SEPSECS: variants seen among roughly 807,000 people sequenced by gnomAD.
SEPSECS encodes O-phosphoseryl-tRNA(Sec) selenium transferase.
Under a neutral mutation model 52.1 loss-of-function variants are expected in SEPSECS, and 42 were observed. The ratio of observed to expected loss-of-function variants is 0.81; its 90% CI spans 0.63 to 1.04. The LOEUF (loss-of-function observed/expected upper bound fraction) is 1.04. SEPSECS is among the 50% of genes least tolerant of loss of function. The probability of loss-of-function intolerance (pLI) is 0.00; values close to 1 mark genes in which losing one functional copy is unlikely to be tolerated. For synonymous variants in SEPSECS, 216 were observed against 211.4 expected, an observed-to-expected ratio of 1.02 and a Z score of -0.19; for missense variants, 590 against 610.6, an observed-to-expected ratio of 0.97 and a Z score of 0.36.
At position 25,125,762 on chromosome 4, in the gene SEPSECS, A is replaced by G. The variant is rs369843404; in HGVS notation, c.1143T>C (p.Asp381=). The G allele has an allele frequency of 6.2e-7, 1 of 1,612,776 alleles. No individual in the cohort carries two copies. Among genetic ancestry groups the G allele is most frequent in the South Asian group, 1.1e-5 (1 of 90,918 alleles). ...ISLAMTLKTL[D]EHRDKAVTQL... is the part of the protein sequence containing the mutation. ...GAGTGACAGCTTTGTCACGGTGTTC[A>G]TCTAGTGTTTTAAGTGTCATAGCTG... The change falls in exon 10 of 11, where the codon GAT becomes GAC. Residue 381 remains aspartate, a synonymous_variant. Transcript: ENST00000382103.
At chr4:25,153,653 A>C (rs1194569863) in intron 5 of SEPSECS, among the ~76,000 whole-genome samples, 1 of 152,018 alleles carries the variant, frequency 6.6e-6, no homozygotes, top group African/African-American at 2.4e-5. Flanking sequence ...GTATCCAAAA[A>C]ATTAAAAGGA....
chr4:25,149,657 T>C (rs1712186536), intron 6 of SEPSECS, among the ~76,000 whole-genome samples: 1 of 151,072 alleles, frequency 6.6e-6, no homozygotes, highest in Non-Finnish European at 1.5e-5. Context: ...ACTGATGGTA[T>C]TTGACTTTTA....
chr4:25,121,600 G>A lies in SEPSECS; in HGVS notation c.*2331C>T, dbSNP rs1728129428. On this transcript the variant is annotated 3_prime_UTR_variant, in exon 11 of 11. Transcript: ENST00000382103. ...GTGAGTGAAAATGACACTAGGGTGG[G>A]GACAAAGGAAAGCCTGAATAGACAG... The A allele has an allele frequency of 6.6e-6, 1 of 152,094 alleles. No individual in the cohort carries two copies. The highest frequency in any genetic ancestry group is 1.5e-5 in the Non-Finnish European group (1 of 67,986). 9.4% of individuals were successfully genotyped at this position (152,094 alleles called of 1,614,324 possible).
In SEPSECS at chr4:25,120,884, T is replaced by C. The variant is rs1419851550; in HGVS notation, c.*3047A>G. 2 of 152,148 alleles carry C rather than the reference T, an allele frequency of 1.3e-5. No homozygotes were observed. The highest frequency in any genetic ancestry group is 2.9e-5 in the Non-Finnish European group (2 of 67,998). The allele number at this position is 152,148 out of a possible 1,614,324, so 9.4% of individuals were successfully genotyped here. A position where few individuals can be genotyped will look rare whatever the true frequency, so the allele number is the denominator to read the frequency against. ...ATCAGCAGTAAACACAAATTATCTG[T>C]TTAAATTTTACTAAAATCTATGGAA... On this transcript the variant is annotated 3_prime_UTR_variant, in exon 11 of 11. Coordinates refer to ENST00000382103, the MANE Select transcript of SEPSECS (RefSeq NM_016955.4).
intron 8 of SEPSECS, among the ~76,000 whole-genome samples, chr4:25,138,049 A>G (rs765367720): frequency 7.9e-5 from 12 of 152,100 alleles, no homozygotes; most frequent in African/African-American, 4.8e-5. Flanking sequence ...ACACCACACA[A>G]TGGGGCCTGT....
In SEPSECS at chr4:25,156,104, T is replaced by C. The variant is rs1301674969; in HGVS notation, c.480A>G (p.Pro160=). Residue 160 remains proline (P), a synonymous_variant, in exon 4 of 11, where the codon CCA becomes CCG. Transcript: ENST00000382103. ...LCFLTLRHKR[P]KAKYIIWPRI... is the part of the protein sequence containing the mutation. ...GTGGCCATATAATATACTTTGCCTTTGGTCTTTTGTGTCGTAATGTTAAGA... is the reference window on the plus strand; with the variant it reads ...GTGGCCATATAATATACTTTGCCTTCGGTCTTTTGTGTCGTAATGTTAAGA... The C allele has an allele frequency of 6.2e-7, 1 of 1,613,878 alleles. No homozygotes were observed. The highest frequency in any genetic ancestry group is 8.5e-7 in the Non-Finnish European group (1 of 1,179,930).
chr4:25,124,741 T>C (rs1174198110), intron 10 of SEPSECS, among the ~76,000 whole-genome samples: 2 of 152,116 alleles, frequency 1.3e-5, no homozygotes, highest in East Asian at 1.9e-4. Flanking sequence ...ATACAATGGA[T>C]AGTTTTAAAG....
At chr4:25,154,103 A>C (rs538831645) in intron 5 of SEPSECS, among the ~76,000 whole-genome samples, 1 of 152,250 alleles carries the variant, frequency 6.6e-6, no homozygotes, top group South Asian at 2.1e-4. Flanking sequence ...TAATGAATAA[A>C]CCACAAAGCA....
intron 6 of SEPSECS, among the ~76,000 whole-genome samples, chr4:25,150,161 G>A (rs955735762): frequency 2.6e-5 from 4 of 152,136 alleles, no homozygotes; most frequent in African/African-American, 9.7e-5. Context: ...GACAAAAAAT[G>A]TACTAGATAG....
chr4:25,124,377 C>T (rs1056744666), intron 10 of SEPSECS, 152 bp from the exon 11 acceptor site: 4 of 698,078 alleles, frequency 5.7e-6, no homozygotes, highest in African/African-American at 1.8e-5. Context: ...TAGACTGTAT[C>T]GACTTTAAAA....
intron 5 of SEPSECS, 100 bp downstream of exon 5, chr4:25,154,898 C>T (rs1712525395): frequency 8.3e-7 from 1 of 1,211,892 alleles, no homozygotes; most frequent in African/African-American, 1.5e-5. Flanking sequence ...GACCATTCAC[C>T]TATTTATTGT....
In SEPSECS at chr4:25,126,250, A is replaced by C. The variant is rs1728362862; in HGVS notation, c.1121-466T>G. The stretch of plus-strand genomic sequence containing the variant: ...CACCACTCGTAGCTACCATTTACTA[A>C]GGACTCGCCATGCTAGATGCTTCAC... On this transcript the variant is annotated intron_variant, in intron 9 of 10. Coordinates refer to ENST00000382103, the MANE Select transcript of SEPSECS (RefSeq NM_016955.4). 2.0e-5 allele frequency among the ~76,000 whole-genome samples: 3 copies of C among 152,172 alleles called. No individual in the cohort carries two copies. In the South Asian group the frequency reaches 6.2e-4, roughly 32 times the overall value.
intron 5 of SEPSECS, among the ~76,000 whole-genome samples, chr4:25,153,417 T>A (rs1712427121): frequency 6.6e-6 from 1 of 151,602 alleles, no homozygotes; most frequent in African/African-American, 2.4e-5. Context: ...TACCTAAATC[T>A]GTTAATGGTT....
intron 8 of SEPSECS, among the ~76,000 whole-genome samples, chr4:25,139,339 T>C (rs940055654): frequency 1.3e-5 from 2 of 151,420 alleles, no homozygotes; most frequent in East Asian, 3.9e-4. Context: ...CTTTGTCTTG[T>C]AGGCAACCAG....
At position 25,132,090 on chromosome 4, in the gene SEPSECS, G is replaced by A. The variant is rs146992480; in HGVS notation, c.1027-4733C>T. 3.6e-3 allele frequency among the ~76,000 whole-genome samples: 552 copies of A among 152,252 alleles called. 6 individuals carry two copies. Among genetic ancestry groups the A allele is most frequent in the African/African-American group, 0.013 (522 of 41,542 alleles). On this transcript the variant is annotated intron_variant, in intron 8 of 10. Transcript: ENST00000382103. Reference sequence around the variant, plus strand: ...GGCAAAGAGGCTCAATTCACACACAGAGCTCCACTCTCTCTGATCCTTTCA... The same window carrying A: ...GGCAAAGAGGCTCAATTCACACACAAAGCTCCACTCTCTCTGATCCTTTCA...
intron 6 of SEPSECS, among the ~76,000 whole-genome samples, chr4:25,150,395 C>T (rs752402154): frequency 2.0e-5 from 3 of 152,246 alleles, no homozygotes; most frequent in Admixed American, 2.0e-4. Flanking sequence ...CCATTACGTA[C>T]CAGATATTGT....
chr4:25,126,968 T>G (rs1007047095), intron 9 of SEPSECS, among the ~76,000 whole-genome samples: 3 of 152,224 alleles, frequency 2.0e-5, no homozygotes, highest in African/African-American at 7.2e-5. Flanking sequence ...GAGAAAGATT[T>G]AATTATTTAT....
intron 3 of SEPSECS, among the ~76,000 whole-genome samples, 188 bp from the exon 4 acceptor site, chr4:25,156,383 T>C (rs982428316): frequency 4.2e-5 from 6 of 144,382 alleles, no homozygotes; most frequent in African/African-American, 1.6e-4. Flanking sequence ...TTTTCTATCT[T>C]ATTCTAAAGA....
At chr4:25,151,235 A>G (rs895740358) in intron 6 of SEPSECS, among the ~76,000 whole-genome samples, 1 of 152,250 alleles carries the variant, frequency 6.6e-6, no homozygotes, top group African/African-American at 2.4e-5. Context: ...TGACCTAAAG[A>G]AAGCTACGCA....
Sources: allele counts gnomAD v4.1 joint callset (sites outside exome capture counted in the v4.1 genomes callset), GRCh38; gene constraint gnomAD v4.1.1; transcripts MANE v1.5; gene names NCBI Gene and HGNC (gene_info 2026-07-23, HGNC 2026-07-21).